PIGU: variants seen among roughly 807,000 people sequenced by gnomAD.
The protein encoded by PIGU is GPI-anchor transamidase component PIGU.
A neutral mutation model predicts 49.9 loss-of-function variants in PIGU; 24 were observed. The observed-to-expected ratio is 0.48, with a 90% CI of 0.35 to 0.68. The LOEUF is 0.68. Among genes scored for constraint, PIGU ranks in the 30% least tolerant of loss-of-function variants. The pLI, the probability that PIGU is intolerant of heterozygous loss-of-function variation, is 0.01. For missense variants in PIGU, 490 were observed against 532.6 expected, an observed-to-expected ratio of 0.92 and a Z score of 0.79; for synonymous variants, 220 against 205.7, an observed-to-expected ratio of 1.07 and a Z score of -0.59.
At chr20:34,611,614 C>G (rs1193122424) in intron 7 of PIGU, among the ~76,000 whole-genome samples, 1 of 143,048 alleles carries the variant, frequency 7.0e-6, no homozygotes, top group Non-Finnish European at 1.5e-5. Flanking sequence ...TCACTGCACT[C>G]CAGCCTGGGC....
intron 6 of PIGU, among the ~76,000 whole-genome samples, chr20:34,620,028 C>G (rs59042237): frequency 1.3e-5 from 2 of 152,156 alleles, no homozygotes; most frequent in Non-Finnish European, 2.9e-5. Context: ...GCTTTTCCCC[C>G]TCCTCCTTAG....
chr20:34,659,945 AC>A (rs1986877961), intron 1 of PIGU, among the ~76,000 whole-genome samples: 1 of 150,930 alleles, frequency 6.6e-6, no homozygotes, highest in Non-Finnish European at 1.5e-5. Flanking sequence ...GCCTAGGAAA[AC>A]CAGAGACCTT....
intron 7 of PIGU, among the ~76,000 whole-genome samples, chr20:34,592,158 G>A (rs1354431986): frequency 4.7e-5 from 7 of 148,846 alleles, no homozygotes; most frequent in African/African-American, 1.7e-4. Context: ...CACTGCACTC[G>A]AGCCTGGGTG....
chr20:34,614,453 C>T (rs185225098), intron 7 of PIGU, among the ~76,000 whole-genome samples: 371 of 151,472 alleles, frequency 2.4e-3, no homozygotes, highest in African/African-American at 8.4e-3. Context: ...GGCAACATGG[C>T]GAAACCCCAT....
At chr20:34,608,374 A>G (rs1377261483) in intron 7 of PIGU, among the ~76,000 whole-genome samples, 1 of 152,156 alleles carries the variant, frequency 6.6e-6, no homozygotes, top group Admixed American at 6.6e-5. Context: ...GTGCCCAGCC[A>G]AACACATGGA....
intron 11 of PIGU, among the ~76,000 whole-genome samples, chr20:34,569,224 T>C (rs749903791): frequency 1.5e-4 from 23 of 151,858 alleles, no homozygotes; most frequent in Non-Finnish European, 3.2e-4. Flanking sequence ...AAAAATGAAA[T>C]AAAATTAAAA....
chr20:34,659,057 C>T (rs1360216143), intron 1 of PIGU, among the ~76,000 whole-genome samples: 1 of 147,240 alleles, frequency 6.8e-6, no homozygotes, highest in East Asian at 2.1e-4. Context: ...CGGCCAGCTG[C>T]CCCGTCCGGG....
chr20:34,602,960 A>G (rs911951125), intron 7 of PIGU, among the ~76,000 whole-genome samples: 8 of 151,420 alleles, frequency 5.3e-5, no homozygotes, highest in Non-Finnish European at 7.4e-5. Flanking sequence ...GGTCTTGCCT[A>G]TTTTTAAAAT....
intron 1 of PIGU, among the ~76,000 whole-genome samples, chr20:34,660,441 C>T (rs1432254022): frequency 1.3e-5 from 2 of 152,138 alleles, no homozygotes; most frequent in East Asian, 1.9e-4. Flanking sequence ...AAAAATTAGC[C>T]AGGCATGGTG....
At chr20:34,594,375 A>G (rs887358136) in intron 7 of PIGU, among the ~76,000 whole-genome samples, 18 of 152,238 alleles carry the variant, frequency 1.2e-4, no homozygotes, top group Non-Finnish European at 2.5e-4. Context: ...ACTATGGTAT[A>G]TTCACACAAT....
intron 7 of PIGU, among the ~76,000 whole-genome samples, chr20:34,603,861 GACACACACACAC>G (rs142929319): frequency 7.0e-6 from 1 of 143,806 alleles, no homozygotes; most frequent in Admixed American, 7.1e-5. Flanking sequence ...TTAGTGGACA[GACACACACACAC>G]ACACACACAC....
intron 1 of PIGU, among the ~76,000 whole-genome samples, chr20:34,665,267 G>A (rs1033374989): frequency 3.6e-5 from 5 of 139,956 alleles, no homozygotes; most frequent in Non-Finnish European, 7.6e-5. Flanking sequence ...GCAGTGGCGC[G>A]ATCTCGGCTC....
chr20:34,600,339 G>A (rs138632672), intron 7 of PIGU, among the ~76,000 whole-genome samples: 118 of 151,860 alleles, frequency 7.8e-4, no homozygotes, highest in African/African-American at 2.7e-3. Context: ...CCTGGGAGGC[G>A]GAGGTTGCAG....
In PIGU at chr20:34,659,062, T is replaced by G. The variant is rs1158805716; in HGVS notation, c.131-1818A>C. 4.5e-5 allele frequency among the ~76,000 whole-genome samples: 6 copies of G among 133,676 alleles called. No homozygotes were observed. In the East Asian group the frequency reaches 1.6e-3, roughly 36 times the overall value. The allele number at this position is 133,676 out of a possible 152,430, so 87.7% of individuals were successfully genotyped here. A position where few individuals can be genotyped will look rare whatever the true frequency, so the allele number is the denominator to read the frequency against. Reference sequence around the variant, plus strand: ...CCCCTCTGCCCGGCCAGCTGCCCCGTCCGGGAGGGAGGTGGGGGGGTCAGC... The same window carrying G: ...CCCCTCTGCCCGGCCAGCTGCCCCGGCCGGGAGGGAGGTGGGGGGGTCAGC... On this transcript the variant is annotated intron_variant, in intron 1 of 11. Coordinates refer to ENST00000217446, the MANE Select transcript of PIGU (RefSeq NM_080476.5).
Position 34,615,837 on chromosome 20 carries a change from A to G in PIGU, c.627+205T>C, listed in dbSNP as rs558650506. ...GCTTTAGAACATATCCCCTGCAGAC[A>G]TGGGGAGGTCTACTGTAGTTGGGAC... On this transcript the variant is annotated intron_variant, in intron 7 of 11. Coordinates refer to ENST00000217446, the MANE Select transcript of PIGU (RefSeq NM_080476.5). Among the ~76,000 whole-genome samples the G allele has an allele frequency of 2.0e-3, 310 of 152,276 alleles. 1 individual carries two copies. Among genetic ancestry groups the G allele is most frequent in the Admixed American group, 4.9e-3 (75 of 15,296 alleles).
chr20:34,612,951 AC>A (rs1984876415), intron 7 of PIGU, among the ~76,000 whole-genome samples: 1 of 152,100 alleles, frequency 6.6e-6, no homozygotes, highest in Non-Finnish European at 1.5e-5. Context: ...GTAAGAATGG[AC>A]TAATACACCA....
intron 1 of PIGU, among the ~76,000 whole-genome samples, chr20:34,669,666 GA>G (rs34144980): frequency 8.1e-4 from 100 of 123,972 alleles, no homozygotes; most frequent in Middle Eastern, 4.2e-3. Flanking sequence ...GACTCTGGCT[GA>G]AAAAAAAAAA....
intron 2 of PIGU, among the ~76,000 whole-genome samples, chr20:34,653,936 C>T (rs1986623152): frequency 6.6e-6 from 1 of 151,754 alleles, no homozygotes; most frequent in African/African-American, 2.4e-5. Context: ...CGGCTCACTG[C>T]AAGCTCCGCC....
At chr20:34,624,139 C>T (rs1229283498) in intron 6 of PIGU, among the ~76,000 whole-genome samples, 2 of 129,952 alleles carry the variant, frequency 1.5e-5, no homozygotes, top group Non-Finnish European at 3.3e-5. Context: ...CTCAGTGACG[C>T]GGTCATAGTT....
Sources: allele counts gnomAD v4.1 joint callset (sites outside exome capture counted in the v4.1 genomes callset), GRCh38; gene constraint gnomAD v4.1.1; transcripts MANE v1.5; gene names NCBI Gene and HGNC (gene_info 2026-07-23, HGNC 2026-07-21).